The following HDAC9 variants were observed in gnomAD, a reference collection of about 807,000 sequenced individuals.
The protein encoded by HDAC9 is MEF-2 interacting transcription repressor (MITR) protein.
HDAC9 carries 41 observed loss-of-function variants against 139.4 expected under a neutral mutation model. That is an observed-to-expected ratio of 0.29 (90% CI 0.23 to 0.38). The LOEUF (loss-of-function observed/expected upper bound fraction) is 0.38, where lower values mean the gene tolerates loss of function less well. HDAC9 is among the 10% of genes least tolerant of loss of function. The probability of loss-of-function intolerance (pLI) is 1.00; values close to 1 mark genes in which losing one functional copy is unlikely to be tolerated. For synonymous variants in HDAC9, 517 were observed against 476.2 expected (o/e 1.09, Z -1.12); for missense variants, 1,147 against 1,297.0 (o/e 0.88, Z 1.78).
At chr7:18,559,592 C>G (rs897906644) in intron 2 of HDAC9, among the ~76,000 whole-genome samples, 1 of 152,062 alleles carries the variant, frequency 6.6e-6, no homozygotes, top group African/African-American at 2.4e-5. Context: ...TCTCTTTGAC[C>G]GGTTTTACTG....
At chr7:18,917,735 A>C (rs931693608) in intron 22 of HDAC9, among the ~76,000 whole-genome samples, 1 of 151,948 alleles carries the variant, frequency 6.6e-6, no homozygotes, top group African/African-American at 2.4e-5. Context: ...ACTATCCCCG[A>C]TTTATTGAAG....
intron 2 of HDAC9, among the ~76,000 whole-genome samples, chr7:18,553,070 A>G (rs563597265): frequency 6.6e-6 from 1 of 152,288 alleles, no homozygotes; most frequent in South Asian, 2.1e-4. Context: ...TATCCTAAGT[A>G]AGTTATCCTT....
chr7:18,425,845 T>C (rs532037803), intron 1 of HDAC9, among the ~76,000 whole-genome samples: 2 of 152,362 alleles, frequency 1.3e-5, no homozygotes, highest in East Asian at 3.9e-4. Context: ...GATCATCATA[T>C]GTCTTAGAAC....
chr7:18,499,118 CATT>C (rs1797708884), intron 2 of HDAC9, among the ~76,000 whole-genome samples: 2 of 151,680 alleles, frequency 1.3e-5, no homozygotes, highest in Admixed American at 1.3e-4. Context: ...TGAAATGTCT[CATT>C]ATGTAATAAA....
At chr7:18,229,579 T>C (rs1793312955) in intron 2 of HDAC9, among the ~76,000 whole-genome samples, 1 of 152,188 alleles carries the variant, frequency 6.6e-6, no homozygotes, top group African/African-American at 2.4e-5. Flanking sequence ...TGGTGAGTTA[T>C]GGATGGCAAA....
At chr7:18,647,051 G>C (rs1247350973) in intron 9 of HDAC9, among the ~76,000 whole-genome samples, 1 of 152,106 alleles carries the variant, frequency 6.6e-6, no homozygotes, top group Non-Finnish European at 1.5e-5. Flanking sequence ...TTACAGCTCT[G>C]TGAAATTATT....
At chr7:18,482,741 A>G (rs1795671414) in intron 1 of HDAC9, among the ~76,000 whole-genome samples, 1 of 152,196 alleles carries the variant, frequency 6.6e-6, no homozygotes, top group African/African-American at 2.4e-5. Context: ...TCAAAGCATT[A>G]CCAAGGGAGC....
chr7:18,601,943 CTG>C (rs1188589663), intron 6 of HDAC9, among the ~76,000 whole-genome samples: 12 of 152,210 alleles, frequency 7.9e-5, no homozygotes, highest in African/African-American at 2.6e-4. Flanking sequence ...CCTATAATGT[CTG>C]TATCTGATTT....
At chr7:18,710,082 T>C (rs1784233944) in intron 12 of HDAC9, among the ~76,000 whole-genome samples, 1 of 152,092 alleles carries the variant, frequency 6.6e-6, no homozygotes, top group African/African-American at 2.4e-5. Flanking sequence ...CAAAGTCACG[T>C]CTTAGGTGGC....
chr7:18,354,651 C>T (rs924500573), intron 1 of HDAC9, among the ~76,000 whole-genome samples: 2 of 152,146 alleles, frequency 1.3e-5, no homozygotes, highest in African/African-American at 4.8e-5. Context: ...ACCATTAATA[C>T]CTATCTTTGC....
chr7:18,414,236 A>T (rs1418686286), intron 1 of HDAC9, among the ~76,000 whole-genome samples: 1 of 152,180 alleles, frequency 6.6e-6, no homozygotes, highest in Non-Finnish European at 1.5e-5. Context: ...TGTTAAAGGA[A>T]ATATCCTACT....
At chr7:18,553,991 G>T (rs1586985298) in intron 2 of HDAC9, among the ~76,000 whole-genome samples, 1 of 152,260 alleles carries the variant, frequency 6.6e-6, no homozygotes, top group East Asian at 1.9e-4. Context: ...TTCTTTTCTT[G>T]TATGGAAATG....
At chr7:18,888,323 G>C (rs10265632) in intron 22 of HDAC9, among the ~76,000 whole-genome samples, 5,202 of 152,338 alleles carry the variant, frequency 0.034, 183 homozygotes, top group African/African-American at 0.092. Flanking sequence ...TACTCGGGAG[G>C]CTGAGGCAGG....
intron 22 of HDAC9, among the ~76,000 whole-genome samples, chr7:18,932,234 C>G (rs1312608675): frequency 1.3e-5 from 2 of 152,136 alleles, no homozygotes; most frequent in South Asian, 2.1e-4. Context: ...AAATGTTCTA[C>G]TGAAACACGT....
intron 2 of HDAC9, among the ~76,000 whole-genome samples, chr7:18,555,456 A>G (rs1016924943): frequency 2.0e-5 from 3 of 152,188 alleles, no homozygotes; most frequent in Non-Finnish European, 4.4e-5. Flanking sequence ...GTGTGTGAAT[A>G]TGATCTGGCT....
At chr7:18,518,283 A>C (rs1276910342) in intron 2 of HDAC9, among the ~76,000 whole-genome samples, 3 of 152,222 alleles carry the variant, frequency 2.0e-5, no homozygotes, top group Non-Finnish European at 4.4e-5. Context: ...GAAGTAACCC[A>C]GAAAGAGACT....
intron 21 of HDAC9, among the ~76,000 whole-genome samples, chr7:18,859,370 G>T (rs1169313069): frequency 6.6e-6 from 1 of 151,960 alleles, no homozygotes; most frequent in African/African-American, 2.4e-5. Flanking sequence ...AACACTCCTA[G>T]ATCTTGGGCT....
intron 23 of HDAC9, among the ~76,000 whole-genome samples, chr7:18,946,674 A>G (rs1042887015): frequency 3.3e-5 from 5 of 152,124 alleles, no homozygotes; most frequent in Non-Finnish European, 5.9e-5. Flanking sequence ...TATACATGGA[A>G]AGAACCAAAT....
upstream of HDAC9, among the ~76,000 whole-genome samples, chr7:18,288,607 G>T (rs965185852): frequency 6.6e-6 from 1 of 152,126 alleles, no homozygotes; most frequent in East Asian, 1.9e-4. Context: ...TGATTAAAAA[G>T]AATATTATGT....
Sources: allele counts gnomAD v4.1 joint callset (sites outside exome capture counted in the v4.1 genomes callset), GRCh38; gene constraint gnomAD v4.1.1; transcripts MANE v1.5; gene names NCBI Gene and HGNC (gene_info 2026-07-23, HGNC 2026-07-21).